The following CYB5B variants were observed in gnomAD, a reference collection of about 807,000 sequenced individuals.
CYB5B encodes cytochrome b5 type B (outer mitochondrial membrane).
Under a neutral mutation model 21.3 loss-of-function variants are expected in CYB5B, and 14 were observed. That is an observed-to-expected ratio of 0.66 (90% CI 0.43 to 1.03). The LOEUF (loss-of-function observed/expected upper bound fraction) is 1.03, where lower values mean the gene tolerates loss of function less well. Among genes scored for constraint, CYB5B ranks in the 50% least tolerant of loss-of-function variants. CYB5B has a pLI of 0.00. For synonymous variants in CYB5B, 69 were observed against 68.4 expected (o/e 1.01, Z -0.04); for missense variants, 166 against 185.1 (o/e 0.90, Z 0.60).
chr16:69,436,838 T>G (rs1415314566), intron 1 of CYB5B, among the ~76,000 whole-genome samples: 1 of 152,224 alleles, frequency 6.6e-6, no homozygotes, highest in East Asian at 1.9e-4. Context: ...AGATTTTTAT[T>G]CTGTAACTGC....
At chr16:69,453,312 C>T (rs904443015) in intron 3 of CYB5B, among the ~76,000 whole-genome samples, 1 of 152,006 alleles carries the variant, frequency 6.6e-6, no homozygotes, top group Non-Finnish European at 1.5e-5. Flanking sequence ...ATGTAACATA[C>T]AGTTTACTTC....
At chr16:69,434,718 C>T (rs779638291) in intron 1 of CYB5B, among the ~76,000 whole-genome samples, 1 of 152,062 alleles carries the variant, frequency 6.6e-6, no homozygotes, top group Non-Finnish European at 1.5e-5. Flanking sequence ...ACAAAGTTAG[C>T]CACGTGTGGT....
At chr16:69,431,534 AGCCAAG>A (rs1372631891) in intron 1 of CYB5B, among the ~76,000 whole-genome samples, 2 of 152,018 alleles carry the variant, frequency 1.3e-5, no homozygotes, top group Non-Finnish European at 2.9e-5. Context: ...CACTTTGGGA[AGCCAAG>A]GTGGACAGAT....
chr16:69,456,034 A>C (rs745693972), intron 3 of CYB5B, among the ~76,000 whole-genome samples: 1 of 152,202 alleles, frequency 6.6e-6, no homozygotes, highest in Non-Finnish European at 1.5e-5. Context: ...TGAAGATATT[A>C]GATATAATTT....
intron 4 of CYB5B, among the ~76,000 whole-genome samples, chr16:69,462,061 C>T (rs975735877): frequency 1.3e-5 from 2 of 151,904 alleles, no homozygotes; most frequent in Admixed American, 1.3e-4. Context: ...GGTGTTTTTT[C>T]CTGTTTAAAA....
chr16:69,424,976 G>A (rs761838356), intron 1 of CYB5B, 119 bp downstream of exon 1: 28 of 1,082,946 alleles, frequency 2.6e-5, no homozygotes, highest in Non-Finnish European at 3.2e-5. Context: ...GTAAGAAAGG[G>A]ATCACGACCC....
intron 1 of CYB5B, chr16:69,443,232 G>C (rs2014843379): frequency 2.0e-5 from 3 of 152,628 alleles, no homozygotes; most frequent in Admixed American, 1.3e-4. Flanking sequence ...CATGGCACTT[G>C]GTCTTGTAAC....
rs1271246922 is a variant in CYB5B at position 69,424,777 on chromosome 16, G to T, written c.94G>T (p.Val32Leu). 2 of 1,608,348 alleles carry T rather than the reference G, an allele frequency of 1.2e-6. No individual in the cohort carries two copies. The highest frequency in any genetic ancestry group is 2.7e-5 in the African/African-American group (2 of 74,636). Reference sequence around the variant, plus strand: ...AGTCACCTATTACCGGTTGGAGGAGGTGGCAAAGCGCAACTCCTTGAAGGA... The same window carrying T: ...AGTCACCTATTACCGGTTGGAGGAGTTGGCAAAGCGCAACTCCTTGAAGGA... ...TSVTYYRLEE[V>L]AKRNSLKELW... is the part of the protein sequence containing the mutation. Residue 32 changes from valine (V) to leucine (L), a missense_variant, in exon 1 of 5, where the codon GTG becomes TTG. By Grantham distance (32) the Val-to-Leu change is conservative. Transcript: ENST00000307892.
At chr16:69,455,243 C>G (rs1170073501) in intron 3 of CYB5B, among the ~76,000 whole-genome samples, 1 of 152,076 alleles carries the variant, frequency 6.6e-6, no homozygotes, top group Non-Finnish European at 1.5e-5. Context: ...TCATTCTTTC[C>G]TACATTTATG....
chr16:69,437,291 T>G (rs987537260), intron 1 of CYB5B, among the ~76,000 whole-genome samples: 1 of 152,206 alleles, frequency 6.6e-6, no homozygotes, highest in Non-Finnish European at 1.5e-5. Context: ...AAAGAGTCCA[T>G]TAGTGTTAAA....
chr16:69,431,741 C>T (rs975677972), intron 1 of CYB5B, among the ~76,000 whole-genome samples: 4 of 152,204 alleles, frequency 2.6e-5, no homozygotes, highest in Admixed American at 2.6e-4. Context: ...TACTGCACTC[C>T]AGCCTGGGTG....
intron 1 of CYB5B, among the ~76,000 whole-genome samples, chr16:69,438,053 T>G (rs2142813778): frequency 6.6e-6 from 1 of 152,326 alleles, no homozygotes; most frequent in East Asian, 1.9e-4. Context: ...CTGTACTTAT[T>G]AAATAACTCC....
chr16:69,450,886 C>T (rs2014924753), intron 3 of CYB5B, among the ~76,000 whole-genome samples: 1 of 152,070 alleles, frequency 6.6e-6, no homozygotes, highest in Admixed American at 6.6e-5. Flanking sequence ...TCCCTACTGC[C>T]CGCCAAGAAA....
chr16:69,430,068 A>G (rs1357862227), intron 1 of CYB5B, among the ~76,000 whole-genome samples: 1 of 152,204 alleles, frequency 6.6e-6, no homozygotes, highest in Non-Finnish European at 1.5e-5. Context: ...TGAAAGTAGT[A>G]CATGTCATTA....
intron 1 of CYB5B, among the ~76,000 whole-genome samples, chr16:69,437,465 A>G (rs1211206044): frequency 6.6e-6 from 1 of 152,220 alleles, no homozygotes; most frequent in Non-Finnish European, 1.5e-5. Flanking sequence ...TTTGAATAGT[A>G]CAGACAACTA....
At chr16:69,432,153 A>G (rs753819329) in intron 1 of CYB5B, among the ~76,000 whole-genome samples, 13 of 152,196 alleles carry the variant, frequency 8.5e-5, no homozygotes, top group African/African-American at 2.7e-4. Context: ...AAGGTCTGGT[A>G]GGTAGTTTGG....
intron 1 of CYB5B, among the ~76,000 whole-genome samples, chr16:69,435,763 G>C (rs1049958111): frequency 6.6e-6 from 1 of 151,538 alleles, no homozygotes; most frequent in Non-Finnish European, 1.5e-5. Flanking sequence ...TCAGCCTCCC[G>C]AGTACCTGGG....
At chr16:69,451,946 A>C (rs1420752941) in intron 3 of CYB5B, among the ~76,000 whole-genome samples, 2 of 149,922 alleles carry the variant, frequency 1.3e-5, no homozygotes, top group Non-Finnish European at 3.0e-5. Flanking sequence ...CCGTCTCAAA[A>C]AAAAAAAAAA....
At position 69,433,359 on chromosome 16, in the gene CYB5B, A is replaced by G. The variant is rs546688344; in HGVS notation, c.174+8502A>G. On this transcript the variant is annotated intron_variant, in intron 1 of 4. Transcript: ENST00000307892. ...CCAGTTTCACTGCCTCCTAAAGTTA[A>G]CTCCCATTGTTTGTGTATCCCTCTA... Among the ~76,000 whole-genome samples, 7 of 152,052 alleles carry G rather than the reference A, an allele frequency of 4.6e-5. No homozygotes were observed. In the South Asian group the frequency reaches 1.5e-3, roughly 32 times the overall value.
Sources: gnomAD v4.1 joint callset for allele counts (sites outside exome capture counted in the v4.1 genomes callset) on GRCh38, gnomAD v4.1.1 for gene constraint, MANE v1.5 for transcripts, NCBI Gene and HGNC (gene_info 2026-07-23, HGNC 2026-07-21) for gene names.